The following ARFIP1 variants were observed in gnomAD, a reference collection of about 807,000 sequenced individuals.
ARFIP1 encodes ARF interacting protein 1, also known as arfaptin-1.
Under a neutral mutation model 42.5 loss-of-function variants are expected in ARFIP1, and 24 were observed. The ratio of observed to expected loss-of-function variants is 0.57; its 90% CI spans 0.41 to 0.80. ARFIP1 has a LOEUF of 0.80. Among genes scored for constraint, ARFIP1 ranks in the 30% least tolerant of loss-of-function variants. The pLI is 0.00. For missense variants in ARFIP1, 354 were observed against 434.0 expected, an observed-to-expected ratio of 0.82 and a Z score of 1.64; for synonymous variants, 141 against 153.7, an observed-to-expected ratio of 0.92 and a Z score of 0.61.
At chr4:152,881,576 C>T (rs1215458828) in intron 6 of ARFIP1, among the ~76,000 whole-genome samples, 1 of 152,078 alleles carries the variant, frequency 6.6e-6, no homozygotes, top group South Asian at 2.1e-4. Flanking sequence ...AAGTGTGTAA[C>T]TTAGCTTGTG....
intron 1 of ARFIP1, among the ~76,000 whole-genome samples, chr4:152,788,801 CTT>C (rs138189664): frequency 0.031 from 3,527 of 113,424 alleles, 54 homozygotes; most frequent in South Asian, 0.12. Context: ...TCCCCAATGT[CTT>C]TTTTTTTTTT....
chr4:152,786,580 A>G (rs1439408324), intron 1 of ARFIP1, among the ~76,000 whole-genome samples: 3 of 152,134 alleles, frequency 2.0e-5, no homozygotes, highest in Non-Finnish European at 2.9e-5. Flanking sequence ...AATAGCCTCC[A>G]TTCTTATCTG....
intron 1 of ARFIP1, among the ~76,000 whole-genome samples, chr4:152,781,121 G>A (rs1369825649): frequency 1.3e-5 from 2 of 152,066 alleles, no homozygotes; most frequent in African/African-American, 2.4e-5. Context: ...ACCTGTAAGG[G>A]TGTGTTCATG....
At chr4:152,815,027 T>C (rs1729757150) in intron 1 of ARFIP1, among the ~76,000 whole-genome samples, 1 of 152,206 alleles carries the variant, frequency 6.6e-6, no homozygotes, top group African/African-American at 2.4e-5. Context: ...CAGGAACCTG[T>C]GTTCTTTTTA....
intron 1 of ARFIP1, among the ~76,000 whole-genome samples, chr4:152,823,235 T>C (rs1414106250): frequency 6.6e-6 from 1 of 152,054 alleles, no homozygotes; most frequent in East Asian, 1.9e-4. Flanking sequence ...ACCACACAAA[T>C]ACAAAACATC....
chr4:152,810,784 CCAGCCTGGGCTA>C (rs1252132458), intron 1 of ARFIP1, among the ~76,000 whole-genome samples: 1 of 152,144 alleles, frequency 6.6e-6, no homozygotes, highest in East Asian at 1.9e-4. Flanking sequence ...CCACCGCACT[CCAGCCTGGGCTA>C]CAGAGCGAGA....
chr4:152,809,923 A>G (rs997474875), intron 1 of ARFIP1, among the ~76,000 whole-genome samples: 1 of 152,206 alleles, frequency 6.6e-6, no homozygotes, highest in Admixed American at 6.5e-5. Context: ...CTCCTTTAAC[A>G]TGATTGTGGA....
intron 8 of ARFIP1, among the ~76,000 whole-genome samples, chr4:152,900,991 C>T (rs1031203417): frequency 1.3e-5 from 2 of 152,098 alleles, no homozygotes; most frequent in African/African-American, 4.8e-5. Flanking sequence ...AAAGTAATTG[C>T]GGTTTTTGCC....
At chr4:152,829,759 A>T (rs1731125175) in intron 2 of ARFIP1, 33 bp downstream of exon 2, 4 of 1,490,022 alleles carry the variant, frequency 2.7e-6, no homozygotes, top group Non-Finnish European at 3.7e-6. Context: ...TAATGCAAAG[A>T]ATCATGGTAA....
chr4:152,790,810 T>G (rs1456585576), intron 1 of ARFIP1, among the ~76,000 whole-genome samples: 2 of 149,232 alleles, frequency 1.3e-5, no homozygotes, highest in Admixed American at 1.3e-4. Flanking sequence ...CTCGGCTTAC[T>G]GCAACCTCTG....
At chr4:152,873,692 A>G (rs1036219512) in intron 5 of ARFIP1, among the ~76,000 whole-genome samples, 2 of 152,130 alleles carry the variant, frequency 1.3e-5, no homozygotes, top group Non-Finnish European at 2.9e-5. Flanking sequence ...CCTCCATCCC[A>G]GCCTTCACAG....
chr4:152,869,447 T>C (rs1561156887), intron 3 of ARFIP1, among the ~76,000 whole-genome samples: 1 of 151,862 alleles, frequency 6.6e-6, no homozygotes, highest in East Asian at 1.9e-4. Flanking sequence ...TTTCTTTCTT[T>C]CTTTCTTTTT....
At chr4:152,907,730 A>G (rs1323357508) in intron 8 of ARFIP1, among the ~76,000 whole-genome samples, 1 of 151,952 alleles carries the variant, frequency 6.6e-6, no homozygotes, top group Non-Finnish European at 1.5e-5. Flanking sequence ...ATTTATGTTT[A>G]CTCCTATATA....
intron 4 of ARFIP1, among the ~76,000 whole-genome samples, chr4:152,871,901 A>C (rs1369493474): frequency 2.0e-5 from 3 of 151,980 alleles, no homozygotes; most frequent in Non-Finnish European, 4.4e-5. Context: ...TCTTGTTTCA[A>C]CCCAGCCTTT....
At chr4:152,796,930 A>G in intron 1 of ARFIP1, 2 of 323,948 alleles carry the variant, frequency 6.2e-6, no homozygotes, top group South Asian at 5.5e-5. Flanking sequence ...TTAGCCTTTT[A>G]TGGTGTATGT....
intron 5 of ARFIP1, among the ~76,000 whole-genome samples, chr4:152,880,539 T>C (rs1250624474): frequency 6.6e-6 from 1 of 152,068 alleles, no homozygotes; most frequent in Non-Finnish European, 1.5e-5. Flanking sequence ...TACACACATA[T>C]ATATATACAA....
At chr4:152,782,531 C>A (rs547483158) in intron 1 of ARFIP1, among the ~76,000 whole-genome samples, 1 of 152,240 alleles carries the variant, frequency 6.6e-6, no homozygotes, top group East Asian at 1.9e-4. Flanking sequence ...TATCACCAAC[C>A]AACTAGGCAC....
Position 152,809,655 on chromosome 4 carries a change from A to G in ARFIP1, c.-9-19970A>G, listed in dbSNP as rs182205658. On this transcript the variant is annotated intron_variant, in intron 1 of 8. Coordinates refer to ENST00000353617, the MANE Select transcript of ARFIP1 (RefSeq NM_001025595.3). ...TATGTGTCATGTTAATTTATCCCCA[A>G]CTTTGACCCATTGACAGGATTCAAG... is the stretch of plus-strand genomic sequence containing the variant. 1.1e-4 allele frequency: 16 copies of G among 152,280 alleles called. No individual in the cohort carries two copies. The East Asian group carries it at 1.9e-3, about 18-fold the overall frequency. 9.4% of individuals were successfully genotyped at this position (152,280 alleles called of 1,614,324 possible).
At chr4:152,842,476 G>C (rs1175210269) in intron 2 of ARFIP1, among the ~76,000 whole-genome samples, 4 of 152,214 alleles carry the variant, frequency 2.6e-5, no homozygotes, top group African/African-American at 9.6e-5. Flanking sequence ...GGCAGGGGAG[G>C]TTTTCCTTGA....
Sources: allele counts gnomAD v4.1 joint callset (sites outside exome capture counted in the v4.1 genomes callset), GRCh38; gene constraint gnomAD v4.1.1; transcripts MANE v1.5; gene names NCBI Gene and HGNC (gene_info 2026-07-23, HGNC 2026-07-21).